The following ECPAS variants were observed in gnomAD, a reference collection of about 807,000 sequenced individuals.
ECPAS encodes the protein proteasome adapter and scaffold protein ECM29.
Under a neutral mutation model 255.1 loss-of-function variants are expected in ECPAS, and 70 were observed. That is an observed-to-expected ratio of 0.27 (90% CI 0.23 to 0.33). ECPAS has a LOEUF of 0.33. Among genes scored for constraint, ECPAS ranks in the 10% least tolerant of loss-of-function variants. The pLI, the probability that ECPAS is intolerant of heterozygous loss-of-function variation, is 1.00. For missense variants in ECPAS, 1,817 were observed against 2,206.4 expected (o/e 0.82, Z 3.54); for synonymous variants, 784 against 775.0 (o/e 1.01, Z -0.19).
intron 2 of ECPAS, among the ~76,000 whole-genome samples, chr9:111,459,474 G>A (rs1402026785): frequency 2.0e-5 from 3 of 152,082 alleles, no homozygotes; most frequent in African/African-American, 4.8e-5. Context: ...AAATATTTGA[G>A]AACACACATT....
chr9:111,461,262 C>A (rs2098272717), intron 2 of ECPAS, among the ~76,000 whole-genome samples: 2 of 151,214 alleles, frequency 1.3e-5, no homozygotes, highest in South Asian at 4.2e-4. Flanking sequence ...GAGTTTGAGA[C>A]CAGCCTGGGC....
chr9:111,382,367 C>A (rs1015676627), intron 35 of ECPAS, among the ~76,000 whole-genome samples: 4 of 149,398 alleles, frequency 2.7e-5, no homozygotes, highest in African/African-American at 1.0e-4. Context: ...TGGGTTCAAG[C>A]GACTCTCCTG....
intron 6 of ECPAS, among the ~76,000 whole-genome samples, chr9:111,439,119 T>C (rs1156462403): frequency 1.3e-5 from 2 of 152,180 alleles, no homozygotes; most frequent in East Asian, 1.9e-4. Context: ...ATGTCTACAA[T>C]GCAGCAAAAA....
intron 43 of ECPAS, 57 bp downstream of exon 43, chr9:111,371,564 T>C (rs2098127345): frequency 1.5e-5 from 22 of 1,449,256 alleles, no homozygotes; most frequent in Admixed American, 3.4e-5. Flanking sequence ...GTTACTATTA[T>C]GCAAAATGAA....
At chr9:111,479,003 C>T (rs1033309701) in intron 1 of ECPAS, among the ~76,000 whole-genome samples, 2 of 152,128 alleles carry the variant, frequency 1.3e-5, no homozygotes, top group Non-Finnish European at 2.9e-5. Context: ...GACTATGGTG[C>T]AAAGAGGTAA....
rs137865791 is a variant in ECPAS at position 111,447,861 on chromosome 9, C to T, written c.154-3367G>A. Among the ~76,000 whole-genome samples the T allele has an allele frequency of 5.3e-5, 8 of 152,142 alleles. No individual in the cohort carries two copies. In the East Asian group the frequency reaches 1.5e-3, roughly 29 times the overall value. Reference sequence around the variant, plus strand: ...TATAATAATAAATCAAGTGGAAAATCTAAAGCATCCCTTTTCCCTTGTCCT... The same window carrying T: ...TATAATAATAAATCAAGTGGAAAATTTAAAGCATCCCTTTTCCCTTGTCCT... On this transcript the variant is annotated intron_variant, in intron 3 of 49. Coordinates refer to ENST00000684092, the MANE Select transcript of ECPAS (RefSeq NM_001364929.1).
At chr9:111,376,097 A>T (rs1243595722) in intron 37 of ECPAS, among the ~76,000 whole-genome samples, 1 of 152,196 alleles carries the variant, frequency 6.6e-6, no homozygotes, top group Non-Finnish European at 1.5e-5. Flanking sequence ...CCTTTATGTT[A>T]CCTACTTCAT....
In ECPAS at chr9:111,415,408, C is replaced by T. The variant is rs187230669; in HGVS notation, c.1765-757G>A. The stretch of plus-strand genomic sequence containing the variant: ...AAAATAGATATAACACCATAAAAAC[C>T]TCTGATATAGACCAGACACAGTGGC... On this transcript the variant is annotated intron_variant, in intron 18 of 49. Transcript: ENST00000684092. 4.9e-4 allele frequency among the ~76,000 whole-genome samples: 74 copies of T among 152,060 alleles called. No homozygotes were observed. The East Asian group carries it at 8.5e-3, about 18-fold the overall frequency.
At chr9:111,372,040 G>A (rs1390876287) in intron 42 of ECPAS, among the ~76,000 whole-genome samples, 2 of 152,106 alleles carry the variant, frequency 1.3e-5, no homozygotes, top group African/African-American at 4.8e-5. Context: ...CCACAGGAAC[G>A]TATCACACAA....
chr9:111,374,891 A>G (rs1332882640), intron 38 of ECPAS, among the ~76,000 whole-genome samples: 1 of 152,244 alleles, frequency 6.6e-6, no homozygotes, highest in African/African-American at 2.4e-5. Context: ...GAGAACAGAA[A>G]TGATTCCACT....
chr9:111,471,545 C>T (rs1360599828), intron 2 of ECPAS, among the ~76,000 whole-genome samples: 2 of 152,094 alleles, frequency 1.3e-5, no homozygotes, highest in East Asian at 3.9e-4. Flanking sequence ...CAACAAAAAG[C>T]ACTTTTGGAT....
chr9:111,375,002 TATA>T, intron 38 of ECPAS, 108 bp downstream of exon 38: 2 of 772,282 alleles, frequency 2.6e-6, no homozygotes, highest in Non-Finnish European at 4.5e-6. Flanking sequence ...ATGGTTAGTG[TATA>T]ATATTAGATT....
At chr9:111,441,077 G>A (rs958375839) in intron 5 of ECPAS, among the ~76,000 whole-genome samples, 7 of 151,768 alleles carry the variant, frequency 4.6e-5, no homozygotes, top group African/African-American at 9.7e-5. Flanking sequence ...GAGTGAACCC[G>A]GGAGGCGGAG....
chr9:111,414,274 A>G (rs1484654962), intron 19 of ECPAS, among the ~76,000 whole-genome samples, 155 bp downstream of exon 19: 1 of 152,272 alleles, frequency 6.6e-6, no homozygotes, highest in Admixed American at 6.5e-5. Flanking sequence ...GAAGTAGTGT[A>G]TCCAGAATGA....
At chr9:111,446,336 T>C (rs2098252946) in intron 3 of ECPAS, among the ~76,000 whole-genome samples, 1 of 152,136 alleles carries the variant, frequency 6.6e-6, no homozygotes, top group Non-Finnish European at 1.5e-5. Context: ...AGAAAAGAAA[T>C]CGAGCATTGA....
intron 2 of ECPAS, among the ~76,000 whole-genome samples, chr9:111,458,001 T>G (rs568279873): frequency 6.6e-6 from 1 of 152,336 alleles, no homozygotes; most frequent in South Asian, 2.1e-4. Flanking sequence ...CTAGATTTTG[T>G]GTGCATATAC....
In ECPAS at chr9:111,410,057, C is replaced by T; in HGVS notation, c.2534G>A (p.Ser845Asn). ...AAAACTTACCTTATTTGTTTCTTTACTGGAAGGTATTCTACTTAGTAAGCT... is the reference window on the plus strand; with the variant it reads ...AAAACTTACCTTATTTGTTTCTTTATTGGAAGGTATTCTACTTAGTAAGCT... Reference protein sequence around the residue: ...VESLLSRIPSSKETNKMKERA... With the variant: ...VESLLSRIPSNKETNKMKERA... The change falls in exon 23 of 50, where the codon AGT becomes AAT. Residue 845 changes from serine (S) to asparagine (N), a missense_variant. Coordinates refer to ENST00000684092, the MANE Select transcript of ECPAS (RefSeq NM_001364929.1). 1 of 1,563,912 alleles carries T rather than the reference C, an allele frequency of 6.4e-7. No homozygotes were observed. The highest frequency in any genetic ancestry group is 8.7e-7 in the Non-Finnish European group (1 of 1,153,970).
chr9:111,473,704 C>T (rs1386397369), intron 1 of ECPAS, among the ~76,000 whole-genome samples: 1 of 152,190 alleles, frequency 6.6e-6, no homozygotes, highest in East Asian at 1.9e-4. Flanking sequence ...CGGTGGCTCA[C>T]GCCTGTAATC....
At chr9:111,392,207 T>G (rs1035899405) in intron 28 of ECPAS, among the ~76,000 whole-genome samples, 4 of 152,146 alleles carry the variant, frequency 2.6e-5, no homozygotes, top group African/African-American at 9.7e-5. Context: ...GCCACTGCAC[T>G]CCAGCCTGGG....
Sources: gnomAD v4.1 joint callset for allele counts (sites outside exome capture counted in the v4.1 genomes callset) on GRCh38, gnomAD v4.1.1 for gene constraint, MANE v1.5 for transcripts, NCBI Gene and HGNC (gene_info 2026-07-23, HGNC 2026-07-21) for gene names.